The following ARHGEF3 variants were observed in gnomAD, a reference collection of about 807,000 sequenced individuals.
The protein encoded by ARHGEF3 is 59.8 kDA protein.
A neutral mutation model predicts 63.2 loss-of-function variants in ARHGEF3; 28 were observed. The ratio of observed to expected loss-of-function variants is 0.44; its 90% CI spans 0.33 to 0.61. ARHGEF3 has a LOEUF of 0.61. Among genes scored for constraint, ARHGEF3 ranks in the 20% least tolerant of loss-of-function variants. The probability of loss-of-function intolerance (pLI) is 0.03; values close to 1 mark genes in which losing one functional copy is unlikely to be tolerated. For synonymous variants in ARHGEF3, 266 were observed against 254.2 expected (o/e 1.05, Z -0.44); for missense variants, 533 against 659.3 (o/e 0.81, Z 2.10).
intron 2 of ARHGEF3, among the ~76,000 whole-genome samples, chr3:56,999,063 G>A (rs1469877245): frequency 6.6e-6 from 1 of 151,282 alleles, no homozygotes; most frequent in East Asian, 1.9e-4. Flanking sequence ...TGTTGTTGTT[G>A]TTTTGAGATA....
chr3:56,904,692 T>C (rs148279166), intron 3 of ARHGEF3, among the ~76,000 whole-genome samples: 24 of 152,288 alleles, frequency 1.6e-4, no homozygotes, highest in African/African-American at 5.1e-4. Flanking sequence ...GGTCGACACA[T>C]ACAGAGACAC....
intron 1 of ARHGEF3, among the ~76,000 whole-genome samples, chr3:57,053,719 T>C (rs1704778228): frequency 1.3e-5 from 2 of 152,222 alleles, no homozygotes; most frequent in South Asian, 4.1e-4. Flanking sequence ...ATGGATTCAT[T>C]TGCCTGTGTC....
intron 4 of ARHGEF3, among the ~76,000 whole-genome samples, chr3:56,864,221 A>G (rs1476144340): frequency 2.0e-5 from 3 of 152,258 alleles, no homozygotes; most frequent in Non-Finnish European, 2.9e-5. Flanking sequence ...AATCTTGGGC[A>G]TAGCCTTTGA....
At chr3:56,915,653 A>G (rs1260164589) in intron 3 of ARHGEF3, among the ~76,000 whole-genome samples, 1 of 152,156 alleles carries the variant, frequency 6.6e-6, no homozygotes, top group Non-Finnish European at 1.5e-5. Context: ...AAACCAAAAA[A>G]CGATGTTCTT....
At chr3:56,842,711 C>G (rs1412296086) in intron 4 of ARHGEF3, among the ~76,000 whole-genome samples, 2 of 152,154 alleles carry the variant, frequency 1.3e-5, no homozygotes, top group East Asian at 3.9e-4. Flanking sequence ...GCTCACTCAT[C>G]CTTCTGTCCC....
chr3:57,066,128 C>T (rs1408897003), intron 1 of ARHGEF3, among the ~76,000 whole-genome samples: 1 of 152,142 alleles, frequency 6.6e-6, no homozygotes, highest in African/African-American at 2.4e-5. Context: ...GCCCACCCAT[C>T]TGGTCCACCT....
rs777161594 is a variant in ARHGEF3 at position 56,729,310 on chromosome 3, G to A, written c.1541C>T (p.Ser514Phe). The A allele has an allele frequency of 1.7e-5, 27 of 1,614,060 alleles. No homozygotes were observed. The highest frequency in any genetic ancestry group is 2.0e-5 in the Non-Finnish European group (24 of 1,179,974). The change falls in exon 10 of 10, where the codon TCT becomes TTT. Residue 514 changes from serine (S) to phenylalanine (F), a missense_variant. By Grantham distance (155) the Ser-to-Phe change is radical (BLOSUM62 -2). Around this residue, in one of 4 missense-constraint regions of ARHGEF3, gnomAD observed 115 missense variants for 103.4 expected, o/e 1.11. Coordinates refer to ENST00000296315, the MANE Select transcript of ARHGEF3 (RefSeq NM_019555.3). The stretch of plus-strand genomic sequence containing the variant: ...ACCGTGCCTGCTGTTTCCACAGGAA[G>A]AGTCTGTCTGTTCCATGCGCTCACA... ...LDCERMEQTD[S>F]SCGNSRHGES...
intron 2 of ARHGEF3, among the ~76,000 whole-genome samples, chr3:57,002,793 G>C (rs1309479017): frequency 1.5e-5 from 1 of 67,258 alleles, no homozygotes; most frequent in African/African-American, 6.2e-5. Flanking sequence ...TTTTTTTTTT[G>C]AGACAGAGTC....
intron 3 of ARHGEF3, among the ~76,000 whole-genome samples, chr3:56,919,346 T>C (rs147246157): frequency 6.6e-6 from 1 of 152,334 alleles, no homozygotes; most frequent in East Asian, 1.9e-4. Flanking sequence ...TCCAGACATT[T>C]CCTTCTGTCT....
At chr3:56,839,408 AAAG>A (rs1407959899) in intron 4 of ARHGEF3, among the ~76,000 whole-genome samples, 3 of 152,176 alleles carry the variant, frequency 2.0e-5, no homozygotes, top group Admixed American at 1.3e-4. Context: ...TTTGGTTTTT[AAAG>A]AAGACTGTGT....
chr3:56,781,855 G>A (rs1308085653), intron 1 of ARHGEF3, among the ~76,000 whole-genome samples: 4 of 152,136 alleles, frequency 2.6e-5, no homozygotes, highest in Non-Finnish European at 4.4e-5. Context: ...AGCTGAATAG[G>A]GAGAATCAGA....
chr3:56,945,877 C>T (rs943565153), intron 3 of ARHGEF3, among the ~76,000 whole-genome samples: 4 of 152,212 alleles, frequency 2.6e-5, no homozygotes, highest in Admixed American at 2.0e-4. Context: ...GAGGCACCCC[C>T]CAGTACGGGC....
intron 4 of ARHGEF3, among the ~76,000 whole-genome samples, chr3:56,858,475 C>G (rs1206727297): frequency 2.0e-5 from 3 of 152,134 alleles, no homozygotes; most frequent in African/African-American, 7.2e-5. Context: ...CCAGTGCCTG[C>G]CAAGATGCTA....
chr3:56,802,088 G>A, upstream of ARHGEF3: 1 of 1,047,100 alleles, frequency 9.6e-7, no homozygotes, highest in Non-Finnish European at 1.2e-6. Flanking sequence ...GGGGCTGCGA[G>A]GGGCGTGGGG....
chr3:56,953,211 C>T (rs1045070639), intron 3 of ARHGEF3, among the ~76,000 whole-genome samples: 6 of 152,118 alleles, frequency 3.9e-5, no homozygotes, highest in Non-Finnish European at 8.8e-5. Context: ...TACATACTGA[C>T]CTGGCCTGGT....
At chr3:56,739,152 G>A (rs2033839283) in intron 7 of ARHGEF3, among the ~76,000 whole-genome samples, 1 of 152,156 alleles carries the variant, frequency 6.6e-6, no homozygotes, top group African/African-American at 2.4e-5. Context: ...TTCCTTAGCA[G>A]GATTCTCTGT....
intron 4 of ARHGEF3, among the ~76,000 whole-genome samples, chr3:56,853,347 T>A (rs1263803835): frequency 6.6e-6 from 1 of 152,300 alleles, no homozygotes; most frequent in African/African-American, 2.4e-5. Flanking sequence ...ATTTTTATTA[T>A]TATTTTGAGA....
chr3:56,967,297 A>AATTATATATTATATATTATATATTATAT (rs562517224), intron 2 of ARHGEF3, among the ~76,000 whole-genome samples: 3 of 86,706 alleles, frequency 3.5e-5, no homozygotes, highest in Non-Finnish European at 6.6e-5. Flanking sequence ...ATATTATACA[A>AATTATATATTATATATTATATATTATAT]ATTATATATT....
intron 2 of ARHGEF3, among the ~76,000 whole-genome samples, chr3:56,985,490 C>T (rs974448588): frequency 6.6e-6 from 1 of 152,258 alleles, no homozygotes; most frequent in African/African-American, 2.4e-5. Flanking sequence ...ATTGCACTCG[C>T]TACAGGGCGA....
Sources: gnomAD v4.1 joint callset for allele counts (sites outside exome capture counted in the v4.1 genomes callset) on GRCh38, gnomAD v4.1.1 for gene constraint, gnomAD v4.1.1 regional missense constraint, MANE v1.5 for transcripts, NCBI Gene and HGNC (gene_info 2026-07-23, HGNC 2026-07-21) for gene names.